The following BMP7 variants were observed in gnomAD, a reference collection of about 807,000 sequenced individuals.
The protein encoded by BMP7 is osteogenic protein 1.
Under a neutral mutation model 41.2 loss-of-function variants are expected in BMP7, and 12 were observed. The ratio of observed to expected loss-of-function variants is 0.29; its 90% CI spans 0.19 to 0.47. The LOEUF (loss-of-function observed/expected upper bound fraction) is 0.47, where lower values mean the gene tolerates loss of function less well. BMP7 is among the 20% of genes least tolerant of loss of function. The pLI is 0.99. For missense variants in BMP7, 467 were observed against 606.0 expected, an observed-to-expected ratio of 0.77 and a Z score of 2.41; for synonymous variants, 248 against 250.0, an observed-to-expected ratio of 0.99 and a Z score of 0.07.
chr20:57,187,554 CCT>C (rs140073062), intron 3 of BMP7, among the ~76,000 whole-genome samples: 262 of 144,084 alleles, frequency 1.8e-3, no homozygotes, highest in African/African-American at 4.8e-3. Flanking sequence ...GGAAGCCTGC[CCT>C]CTCTCTCTCT....
In BMP7 at chr20:57,261,697, G is replaced by A. The variant is rs374693729; in HGVS notation, c.418+4008C>T. 3.9e-5 allele frequency among the ~76,000 whole-genome samples: 6 copies of A among 152,202 alleles called. No individual in the cohort carries two copies. Among genetic ancestry groups the A allele is most frequent in the East Asian group, 1.9e-4 (1 of 5,198 alleles). ...TGGCTGCTCACCAGTGAGGGCCGGC[G>A]CTCCGAGTGCTGGAATGTGGAGCAG... On this transcript the variant is annotated intron_variant, in intron 1 of 6. Transcript: ENST00000395863. The surrounding 1 kb of genome is among the most constrained non-coding windows in gnomAD (Gnocchi z 4.1).
intron 1 of BMP7, among the ~76,000 whole-genome samples, chr20:57,256,201 A>G (rs1306571938): frequency 1.3e-5 from 2 of 152,228 alleles, no homozygotes; most frequent in Admixed American, 6.5e-5. Flanking sequence ...GAAAAGATAT[A>G]TTACAATTAT....
chr20:57,182,212 T>A (rs1033261706), intron 4 of BMP7, among the ~76,000 whole-genome samples: 5 of 152,176 alleles, frequency 3.3e-5, no homozygotes, highest in Admixed American at 3.3e-4. Context: ...GACTTGACAC[T>A]GCATGTGCAG....
At chr20:57,183,962 A>AGC (rs766872548) in intron 3 of BMP7, 43 bp from the exon 4 acceptor site, 1 of 1,602,838 alleles carries the variant, frequency 6.2e-7, no homozygotes, top group Non-Finnish European at 8.5e-7. Flanking sequence ...TAGTTACAGG[A>AGC]GGGCCACGAG....
chr20:57,181,113 C>T (rs1044883589), intron 4 of BMP7, among the ~76,000 whole-genome samples: 2 of 152,128 alleles, frequency 1.3e-5, no homozygotes, highest in African/African-American at 4.8e-5. Context: ...CACCTCAGAC[C>T]TTTTTCTGCC....
Position 57,266,140 on chromosome 20 carries a change from C to A in BMP7, c.-18G>T, listed in dbSNP as rs1215820665. The stretch of plus-strand genomic sequence containing the variant: ...ACGTGCATCGCGCCGGCTCTACGCG[C>A]TACCCGGGCTCCGGGCTCCGGGCCC... On this transcript the variant is annotated 5_prime_UTR_variant, in exon 1 of 7. Coordinates refer to ENST00000395863, the MANE Select transcript of BMP7 (RefSeq NM_001719.3). The A allele has an allele frequency of 3.7e-5, 56 of 1,516,994 alleles. No individual in the cohort carries two copies. Among genetic ancestry groups the A allele is most frequent in the Non-Finnish European group, 4.7e-5 (53 of 1,137,578 alleles). The allele number at this position is 1,516,994 out of a possible 1,614,324, so 94.0% of individuals were successfully genotyped here.
chr20:57,252,521 C>A (rs75699864), intron 1 of BMP7, among the ~76,000 whole-genome samples: 1 of 152,200 alleles, frequency 6.6e-6, no homozygotes, highest in Non-Finnish European at 1.5e-5. Flanking sequence ...AAAGAGGGGC[C>A]AGTCCTCGAT....
intron 6 of BMP7, 152 bp downstream of exon 6, chr20:57,173,048 A>ATT: frequency 2.7e-6 from 2 of 748,246 alleles, no homozygotes; most frequent in Non-Finnish European, 2.3e-6. Context: ...ACAATTTTTG[A>ATT]TTTTTTTTTA....
At chr20:57,231,372 G>C (rs1217854068) in intron 1 of BMP7, among the ~76,000 whole-genome samples, 1 of 152,240 alleles carries the variant, frequency 6.6e-6, no homozygotes, top group Non-Finnish European at 1.5e-5. Flanking sequence ...GAACATCACA[G>C]GACACGTGTT....
chr20:57,223,240 A>AC, intron 2 of BMP7, among the ~76,000 whole-genome samples: 1 of 152,178 alleles, frequency 6.6e-6, no homozygotes, highest in South Asian at 2.1e-4. Flanking sequence ...AAAAAAAAAA[A>AC]AAAAAGGAAT....
At chr20:57,194,155 G>A (rs1984439972) in intron 3 of BMP7, among the ~76,000 whole-genome samples, 1 of 152,198 alleles carries the variant, frequency 6.6e-6, no homozygotes, top group Non-Finnish European at 1.5e-5. Flanking sequence ...CTTGCCTACT[G>A]CATTTTCCTT....
At chr20:57,238,114 T>A (rs1448543268) in intron 1 of BMP7, among the ~76,000 whole-genome samples, 1 of 152,136 alleles carries the variant, frequency 6.6e-6, no homozygotes, top group Non-Finnish European at 1.5e-5. Context: ...TAACTCCCCT[T>A]TCTTCCTCCC....
chr20:57,219,952 A>C (rs971076319), intron 2 of BMP7, among the ~76,000 whole-genome samples: 1 of 152,210 alleles, frequency 6.6e-6, no homozygotes, highest in Non-Finnish European at 1.5e-5. Context: ...GCTTCACTCA[A>C]CTGGCAGTGG....
In BMP7 at chr20:57,266,152, C is replaced by G; in HGVS notation, c.-30G>C. The G allele has an allele frequency of 1.3e-6, 2 of 1,501,552 alleles. No homozygotes were observed. Among genetic ancestry groups the G allele is most frequent in the Non-Finnish European group, 1.8e-6 (2 of 1,130,742 alleles). The allele number at this position is 1,501,552 out of a possible 1,614,324, so 93.0% of individuals were successfully genotyped here. A position where few individuals can be genotyped will look rare whatever the true frequency, so the allele number is the denominator to read the frequency against. On this transcript the variant is annotated 5_prime_UTR_variant, in exon 1 of 7. Coordinates refer to ENST00000395863, the MANE Select transcript of BMP7 (RefSeq NM_001719.3). ...CCGGCTCTACGCGCTACCCGGGCTC[C>G]GGGCTCCGGGCCCGCACCGCCCCAG...
chr20:57,228,437 A>G lies in BMP7; in HGVS notation c.419-16T>C. On this transcript the variant is annotated splice_polypyrimidine_tract_variant and intron_variant, in intron 1 of 6. Coordinates refer to ENST00000395863, the MANE Select transcript of BMP7 (RefSeq NM_001719.3). The surrounding 1 kb of genome is among the most constrained non-coding windows in gnomAD (Gnocchi z 4.5). The stretch of plus-strand genomic sequence containing the variant: ...TCATGTTCCACTGGAAGAGGAAGAG[A>G]ACACACACCAACACCGACAGCTCAT... 6.2e-7 allele frequency: 1 copy of G among 1,611,982 alleles called. No individual in the cohort carries two copies. Among genetic ancestry groups the G allele is most frequent in the African/African-American group, 1.3e-5 (1 of 74,984 alleles).
At chr20:57,260,554 C>T (rs576110189) in intron 1 of BMP7, among the ~76,000 whole-genome samples, 7 of 152,152 alleles carry the variant, frequency 4.6e-5, no homozygotes, top group Non-Finnish European at 8.8e-5. Context: ...CCCATGAAGG[C>T]GAGAGAAGGC....
intron 2 of BMP7, among the ~76,000 whole-genome samples, chr20:57,204,558 G>A (rs996676576): frequency 3.9e-5 from 6 of 152,198 alleles, no homozygotes; most frequent in East Asian, 1.9e-4. Context: ...AGGGCACAGC[G>A]CAATTTTCTC....
In BMP7 at chr20:57,224,031, C is replaced by CAGAAAGG. The variant is rs1985251268; in HGVS notation, c.611+4197_611+4198insCCTTTCT. Among the ~76,000 whole-genome samples the CAGAAAGG allele has an allele frequency of 1.3e-5, 2 of 152,194 alleles. No individual in the cohort carries two copies. Among genetic ancestry groups the CAGAAAGG allele is most frequent in the African/African-American group, 4.8e-5 (2 of 41,438 alleles). ...ATGGACCAAAATCATCACGGCGTCCCCAGGGAGCTTCTCAGAAAGGCAGAA... is the reference window on the plus strand; with the variant it reads ...ATGGACCAAAATCATCACGGCGTCCCAGAAAGGCAGGGAGCTTCTCAGAAAGGCAGAA... On this transcript the variant is annotated intron_variant, in intron 2 of 6. Coordinates refer to ENST00000395863, the MANE Select transcript of BMP7 (RefSeq NM_001719.3). The surrounding 1 kb of genome is among the most constrained non-coding windows in gnomAD (Gnocchi z 4.8).
Position 57,174,280 on chromosome 20 carries a change from C to T in BMP7, c.1035+651G>A, listed in dbSNP as rs894785225. ...AGGGCAGACACATTGCAGTGTTCAT[C>T]GCTGCATCTCCAATCCAGTACCTAG... On this transcript the variant is annotated intron_variant, in intron 5 of 6. Coordinates refer to ENST00000395863, the MANE Select transcript of BMP7 (RefSeq NM_001719.3). The surrounding 1 kb of genome is among the most constrained non-coding windows in gnomAD (Gnocchi z 4.3). Among the ~76,000 whole-genome samples the T allele has an allele frequency of 7.9e-5, 12 of 152,190 alleles. No homozygotes were observed. Among genetic ancestry groups the T allele is most frequent in the African/African-American group, 2.7e-4 (11 of 41,436 alleles).
Sources: allele counts gnomAD v4.1 joint callset (sites outside exome capture counted in the v4.1 genomes callset), GRCh38; gene constraint gnomAD v4.1.1; non-coding constraint Gnocchi (gnomAD v3.1); transcripts MANE v1.5; gene names NCBI Gene and HGNC (gene_info 2026-07-23, HGNC 2026-07-21).